CTNNA3: variants seen among roughly 807,000 people sequenced by gnomAD.
The protein encoded by CTNNA3 is catenin alpha 3, also known as catenin alpha-3.
In CTNNA3, 76 loss-of-function variants were observed where a neutral mutation model predicts 95.7. That is an observed-to-expected ratio of 0.79 (90% CI 0.66 to 0.96). CTNNA3 has a LOEUF of 0.96. Among genes scored for constraint, CTNNA3 ranks in the 40% least tolerant of loss-of-function variants. CTNNA3 has a pLI of 0.00. For synonymous variants in CTNNA3, 431 were observed against 374.4 expected, an observed-to-expected ratio of 1.15 and a Z score of -1.74; for missense variants, 1,191 against 1,089.8, an observed-to-expected ratio of 1.09 and a Z score of -1.31.
At chr10:66,267,914 A>C (rs1346572113) in intron 13 of CTNNA3, among the ~76,000 whole-genome samples, 2 of 152,186 alleles carry the variant, frequency 1.3e-5, no homozygotes, top group Non-Finnish European at 2.9e-5. Flanking sequence ...TATTCACTAA[A>C]ATATTTGACT....
intron 15 of CTNNA3, among the ~76,000 whole-genome samples, chr10:66,030,624 T>TA: frequency 6.6e-6 from 1 of 152,138 alleles, no homozygotes; most frequent in Non-Finnish European, 1.5e-5. Flanking sequence ...ACCTAGGAAA[T>TA]ACCTTTCTGA....
intron 10 of CTNNA3, among the ~76,000 whole-genome samples, chr10:66,532,999 A>C (rs1446713895): frequency 2.0e-5 from 3 of 152,162 alleles, no homozygotes; most frequent in African/African-American, 7.2e-5. Flanking sequence ...CACGATCATT[A>C]TCTCTCAGTG....
chr10:66,676,766 A>G (rs1341502773), intron 9 of CTNNA3, among the ~76,000 whole-genome samples: 3 of 152,174 alleles, frequency 2.0e-5, no homozygotes, highest in Admixed American at 2.0e-4. Flanking sequence ...GATTTATTCA[A>G]AAAAGCAAGC....
chr10:65,966,777 C>T (rs764996043), intron 16 of CTNNA3, 31 bp from the exon 17 acceptor site: 3 of 1,552,640 alleles, frequency 1.9e-6, no homozygotes, highest in Non-Finnish European at 2.7e-6. Flanking sequence ...AAAATAGATA[C>T]AGCAGAATAA....
intron 5 of CTNNA3, among the ~76,000 whole-genome samples, chr10:67,407,232 T>G (rs7081041): frequency 0.069 from 10,479 of 152,182 alleles, 505 homozygotes; most frequent in African/African-American, 0.14. Context: ...GATTAAGTAG[T>G]CTTCATCCCT....
chr10:67,081,383 G>A (rs1298085034), intron 7 of CTNNA3, among the ~76,000 whole-genome samples: 1 of 152,132 alleles, frequency 6.6e-6, no homozygotes, highest in African/African-American at 2.4e-5. Context: ...CACTTATTGA[G>A]AACTTACTAT....
rs12412971 is a variant in CTNNA3 at position 67,480,138 on chromosome 10, A to C, written c.579+41704T>G. Among the ~76,000 whole-genome samples, 4,395 of 152,144 alleles carry C rather than the reference A, an allele frequency of 0.029. 404 individuals are homozygous for C. The East Asian group carries it at 0.34, about 12-fold the overall frequency. On this transcript the variant is annotated intron_variant, in intron 5 of 17. Coordinates refer to ENST00000433211, the MANE Select transcript of CTNNA3 (RefSeq NM_013266.4). ...AAAGCCCTGGACCAGAAGAATTTAC[A>C]GTCAAAATTCCACCAGATGTACAAA... is the stretch of plus-strand genomic sequence containing the variant.
chr10:67,405,266 C>G (rs190423809), intron 5 of CTNNA3, among the ~76,000 whole-genome samples: 4 of 152,182 alleles, frequency 2.6e-5, no homozygotes, highest in East Asian at 3.9e-4. Flanking sequence ...GATAAAGAAC[C>G]AAGACCCACT....
intron 7 of CTNNA3, among the ~76,000 whole-genome samples, chr10:67,112,546 G>T (rs3802549): frequency 0.35 from 52,967 of 151,706 alleles, 9,620 homozygotes; most frequent in Middle Eastern, 0.53. Context: ...TAAGATAATG[G>T]AAGCTGATTT....
intron 13 of CTNNA3, among the ~76,000 whole-genome samples, chr10:66,136,719 G>C (rs1262123717): frequency 2.1e-5 from 1 of 47,078 alleles, no homozygotes; most frequent in Non-Finnish European, 4.3e-5. Flanking sequence ...AGAGAGCATT[G>C]TGTTGTATTA....
In CTNNA3 at chr10:66,068,861, A is replaced by G. The variant is rs143866502; in HGVS notation, c.2159+447T>C. On this transcript the variant is annotated intron_variant, in intron 15 of 17. Transcript: ENST00000433211. ...TTTTCATGGCTATCATTAAGTGATT[A>G]TAATTTCAAATATATCTAGTTCTCA... Among the ~76,000 whole-genome samples, 391 of 152,310 alleles carry G rather than the reference A, an allele frequency of 2.6e-3. 6 individuals are homozygous for G. The highest frequency in any genetic ancestry group is 9.1e-3 in the African/African-American group (378 of 41,570).
At position 66,974,886 on chromosome 10, in the gene CTNNA3, ATTCT is replaced by A. The variant is rs1849943137; in HGVS notation, c.1048-199366_1048-199363del. Among the ~76,000 whole-genome samples, 5 of 151,940 alleles carry A rather than the reference ATTCT, an allele frequency of 3.3e-5. No individual in the cohort carries two copies. The South Asian group carries it at 1.0e-3, about 32-fold the overall frequency. ...TTTTTCTTCATATTGAATTCTAAGC[ATTCT>A]TAATAATACATTTTTTTTAAGGAGA... On this transcript the variant is annotated intron_variant, in intron 7 of 17. Transcript: ENST00000433211.
At chr10:66,854,507 A>G (rs1208166584) in intron 7 of CTNNA3, among the ~76,000 whole-genome samples, 1 of 151,902 alleles carries the variant, frequency 6.6e-6, no homozygotes, top group Non-Finnish European at 1.5e-5. Flanking sequence ...AAAAATGCTG[A>G]GTGCACCTAA....
At chr10:66,485,672 A>G (rs374054885) in intron 11 of CTNNA3, among the ~76,000 whole-genome samples, 3 of 152,260 alleles carry the variant, frequency 2.0e-5, no homozygotes, top group Middle Eastern at 3.4e-3. Context: ...ACTACTCAAA[A>G]TAATCTATAG....
intron 5 of CTNNA3, among the ~76,000 whole-genome samples, chr10:67,338,298 G>C (rs1365042390): frequency 6.6e-6 from 1 of 152,044 alleles, no homozygotes; most frequent in Non-Finnish European, 1.5e-5. Context: ...CAAGGTGTGG[G>C]GGGAGGTGCC....
intron 7 of CTNNA3, among the ~76,000 whole-genome samples, chr10:67,140,684 A>G (rs1182173521): frequency 1.3e-5 from 2 of 152,230 alleles, no homozygotes; most frequent in East Asian, 3.8e-4. Context: ...CTGTGATATT[A>G]GTGAAAATGG....
chr10:66,331,169 A>C (rs2092322738), intron 12 of CTNNA3, among the ~76,000 whole-genome samples: 1 of 151,788 alleles, frequency 6.6e-6, no homozygotes, highest in South Asian at 2.1e-4. Flanking sequence ...GGTATTGCCT[A>C]GGTTTTCTTC....
chr10:67,254,873 C>T (rs1234089758), intron 5 of CTNNA3, among the ~76,000 whole-genome samples: 1 of 152,106 alleles, frequency 6.6e-6, no homozygotes, highest in Non-Finnish European at 1.5e-5. Context: ...ACAATGAAAT[C>T]GCCTAATGAT....
intron 7 of CTNNA3, among the ~76,000 whole-genome samples, chr10:67,069,584 C>G (rs975040755): frequency 9.0e-5 from 13 of 144,942 alleles, no homozygotes; most frequent in African/African-American, 3.4e-4. Context: ...CCCACCCCAC[C>G]CAGTCCCTGC....
Sources: gnomAD v4.1 joint callset for allele counts (sites outside exome capture counted in the v4.1 genomes callset) on GRCh38, gnomAD v4.1.1 for gene constraint, MANE v1.5 for transcripts, NCBI Gene and HGNC (gene_info 2026-07-23, HGNC 2026-07-21) for gene names.